Variants in NTRK2 observed in about 807,000 individuals in gnomAD.
NTRK2 encodes the protein BDNF/NT-3 growth factors receptor.
In NTRK2, 13 loss-of-function variants were observed where a neutral mutation model predicts 94.5. That is an observed-to-expected ratio of 0.14 (90% CI 0.09 to 0.22). The LOEUF (loss-of-function observed/expected upper bound fraction) is 0.22. Among genes scored for constraint, NTRK2 ranks in the 10% least tolerant of loss-of-function variants. The pLI is 1.00. For synonymous variants in NTRK2, 372 were observed against 407.4 expected (o/e 0.91, Z 1.05); for missense variants, 639 against 1,071.2 (o/e 0.60, Z 5.63).
intron 12 of NTRK2, among the ~76,000 whole-genome samples, chr9:84,825,270 C>T (rs1327644217): frequency 6.6e-6 from 1 of 152,178 alleles, no homozygotes; most frequent in South Asian, 2.1e-4. Context: ...CCCTTCTCAC[C>T]ATGCTTCCAC....
intron 12 of NTRK2, chr9:84,814,400 TCTC>T (rs1383271122): frequency 1.9e-6 from 2 of 1,065,674 alleles, no homozygotes; most frequent in East Asian, 9.9e-5. Flanking sequence ...CCGCTTTCTC[TCTC>T]CTCTTCTTTT....
Position 85,020,305 on chromosome 9 carries a change from G to C in NTRK2, c.2272G>C (p.Val758Leu), listed in dbSNP as rs1368656393. The C allele has an allele frequency of 6.2e-7, 1 of 1,614,122 alleles. No homozygotes were observed. Among genetic ancestry groups the C allele is most frequent in the Non-Finnish European group, 8.5e-7 (1 of 1,180,012 alleles). The change falls in exon 18 of 19, where the codon GTG becomes CTG. Residue 758 changes from valine to leucine, a missense_variant. Around this residue, in one of 5 missense-constraint regions of NTRK2, gnomAD observed 77 missense variants for 203.6 expected, o/e 0.38. Coordinates refer to ENST00000277120, the MANE Select transcript of NTRK2 (RefSeq NM_006180.6). Reference sequence around the variant, plus strand: ...AAGCGACGTCTGGAGCCTGGGGGTCGTGTTGTGGGAGATTTTCACCTATGG... The same window carrying C: ...AAGCGACGTCTGGAGCCTGGGGGTCCTGTTGTGGGAGATTTTCACCTATGG... ...TESDVWSLGV[V>L]LWEIFTYGKQ...
At chr9:84,752,907 G>C (rs1187878633) in intron 12 of NTRK2, among the ~76,000 whole-genome samples, 1 of 152,188 alleles carries the variant, frequency 6.6e-6, no homozygotes, top group African/African-American at 2.4e-5. Context: ...AGAAGGTTTA[G>C]TGGTGTCTTA....
At chr9:84,668,780 C>A (rs988699166), upstream of NTRK2, 1 of 152,192 alleles carries the variant, frequency 6.6e-6, no homozygotes, top group Non-Finnish European at 1.5e-5. Flanking sequence ...CATGAACACG[C>A]GCAAGGTACG....
chr9:84,839,676 A>G (rs1018554973), intron 12 of NTRK2, among the ~76,000 whole-genome samples: 1 of 152,172 alleles, frequency 6.6e-6, no homozygotes, highest in African/African-American at 2.4e-5. Context: ...CCTCTAGCAG[A>G]TGCAGAGCAA....
At chr9:84,959,357 T>C (rs1169186287) in intron 17 of NTRK2, among the ~76,000 whole-genome samples, 1 of 152,198 alleles carries the variant, frequency 6.6e-6, no homozygotes, top group African/African-American at 2.4e-5. Flanking sequence ...TGATTGGGCA[T>C]GGAGTCAACT....
intron 10 of NTRK2, among the ~76,000 whole-genome samples, chr9:84,743,771 G>A (rs1472499695): frequency 1.3e-5 from 2 of 152,178 alleles, no homozygotes; most frequent in Non-Finnish European, 2.9e-5. Flanking sequence ...TGCAGACGTA[G>A]TTGGCTATAA....
intron 14 of NTRK2, among the ~76,000 whole-genome samples, chr9:84,925,744 G>A (rs2077741485): frequency 1.3e-5 from 2 of 152,172 alleles, no homozygotes; most frequent in South Asian, 4.1e-4. Context: ...CAGCCTCTGT[G>A]AGGACAAGTT....
chr9:84,991,722 G>T (rs1294868689), intron 17 of NTRK2, among the ~76,000 whole-genome samples: 2 of 152,186 alleles, frequency 1.3e-5, no homozygotes, highest in African/African-American at 4.8e-5. Flanking sequence ...TGGTAGGAGG[G>T]AGGGGAAGAA....
chr9:84,852,609 C>G (rs1040006085), intron 12 of NTRK2, among the ~76,000 whole-genome samples: 8 of 152,170 alleles, frequency 5.3e-5, no homozygotes, highest in Non-Finnish European at 7.4e-5. Context: ...ATTGTGACCA[C>G]CTCTGTTAAA....
At chr9:84,912,208 A>C (rs2077255501) in intron 14 of NTRK2, among the ~76,000 whole-genome samples, 1 of 152,206 alleles carries the variant, frequency 6.6e-6, no homozygotes, top group Admixed American at 6.5e-5. Context: ...TCTGAAAAAA[A>C]TGTGCATTCT....
chr9:84,680,495 G>T (rs1032225409), intron 2 of NTRK2, among the ~76,000 whole-genome samples: 1 of 152,172 alleles, frequency 6.6e-6, no homozygotes, highest in Admixed American at 6.5e-5. Context: ...GGGCTGGAGC[G>T]CCTTTCAGCT....
At chr9:84,741,988 A>C (rs1564168502) in intron 10 of NTRK2, 61 bp downstream of exon 10, 2 of 1,396,954 alleles carry the variant, frequency 1.4e-6, no homozygotes, top group East Asian at 2.3e-5. Context: ...TCATGAAGTA[A>C]ATCAACTGAA....
In NTRK2 at chr9:84,854,932, G is replaced by A. The variant is rs142915051; in HGVS notation, c.1397-6108G>A. On this transcript the variant is annotated intron_variant, in intron 12 of 18. Transcript: ENST00000277120. ...ACTGCACTCCAGCCTGGCCAACAGA[G>A]CGAGACTCCGTCTCAAAAAAAAAAA... Among the ~76,000 whole-genome samples, 7 of 120,086 alleles carry A rather than the reference G, an allele frequency of 5.8e-5. No individual in the cohort carries two copies. The East Asian group carries it at 1.8e-3, about 31-fold the overall frequency. The allele number at this position is 120,086 out of a possible 152,430, so 78.8% of individuals were successfully genotyped here. A position where few individuals can be genotyped will look rare whatever the true frequency, so the allele number is the denominator to read the frequency against.
chr9:84,811,376 A>G (rs2133563688), intron 12 of NTRK2: 2 of 1,066,196 alleles, frequency 1.9e-6, no homozygotes, highest in Non-Finnish European at 2.3e-6. Context: ...TTGGGGCTAT[A>G]GATTTAAGTT....
At chr9:84,712,343 G>T (rs1227014966) in intron 6 of NTRK2, among the ~76,000 whole-genome samples, 1 of 152,198 alleles carries the variant, frequency 6.6e-6, no homozygotes. Context: ...TGTAGGGAGT[G>T]AACTGGTCCT....
At chr9:84,934,906 G>A (rs866436502) in intron 15 of NTRK2, among the ~76,000 whole-genome samples, 4 of 152,088 alleles carry the variant, frequency 2.6e-5, no homozygotes, top group Admixed American at 2.0e-4. Flanking sequence ...TCATAGTCAC[G>A]TCCTCATAAA....
intron 14 of NTRK2, among the ~76,000 whole-genome samples, chr9:84,867,743 G>C (rs999807729): frequency 2.0e-5 from 3 of 152,210 alleles, no homozygotes; most frequent in Admixed American, 2.0e-4. Context: ...ACAGAAACCA[G>C]AAGTGTCATT....
chr9:84,826,360 C>T (rs1587537184), intron 12 of NTRK2, among the ~76,000 whole-genome samples: 2 of 152,332 alleles, frequency 1.3e-5, no homozygotes, highest in East Asian at 3.9e-4. Flanking sequence ...TCCTCTCTTC[C>T]TCTTATAGAA....
Sources: allele counts gnomAD v4.1 joint callset (sites outside exome capture counted in the v4.1 genomes callset), GRCh38; gene constraint gnomAD v4.1.1; regional missense constraint gnomAD v4.1.1; transcripts MANE v1.5; gene names NCBI Gene and HGNC (gene_info 2026-07-23, HGNC 2026-07-21).